LRRK2: variants seen among roughly 807,000 people sequenced by gnomAD.
LRRK2 encodes the protein leucine-rich repeat serine/threonine-protein kinase 2.
In LRRK2, 203 loss-of-function variants were observed where a neutral mutation model predicts 302.6. The ratio of observed to expected loss-of-function variants is 0.67; its 90% CI spans 0.60 to 0.75. LRRK2 has a LOEUF of 0.75. LRRK2 is among the 30% of genes least tolerant of loss of function. The probability of loss-of-function intolerance (pLI) is 0.00; values close to 1 mark genes in which losing one functional copy is unlikely to be tolerated. For missense variants in LRRK2, 2,830 were observed against 2,951.0 expected (o/e 0.96, Z 0.95); for synonymous variants, 1,066 against 1,031.9 (o/e 1.03, Z -0.63).
At chr12:40,288,299 A>G (rs1272509718) in intron 20 of LRRK2, among the ~76,000 whole-genome samples, 1 of 151,866 alleles carries the variant, frequency 6.6e-6, no homozygotes, top group Non-Finnish European at 1.5e-5. Flanking sequence ...CTTTAAGTAT[A>G]TATTTTCATG....
chr12:40,282,121 TCCCC>T (rs1943734629), intron 18 of LRRK2, among the ~76,000 whole-genome samples: 1 of 62,978 alleles, frequency 1.6e-5, no homozygotes, highest in African/African-American at 6.3e-5. Flanking sequence ...TTCCCTCCCC[TCCCC>T]TCCCCTCCCC....
chr12:40,352,528 A>T (rs531781652), intron 44 of LRRK2, among the ~76,000 whole-genome samples: 387 of 136,752 alleles, frequency 2.8e-3, no homozygotes, highest in Non-Finnish European at 4.5e-3. Flanking sequence ...TGGCAGGGTC[A>T]TAGGACAATA....
chr12:40,296,631 CAAA>C (rs879609387), intron 23 of LRRK2, among the ~76,000 whole-genome samples: 1 of 133,268 alleles, frequency 7.5e-6, no homozygotes, highest in Non-Finnish European at 1.6e-5. Context: ...GACCCTGTCT[CAAA>C]AAAAAAAAAG....
In LRRK2 at chr12:40,308,499, CT is replaced by C; in HGVS notation, c.3994del (p.Tyr1332IlefsTer4). 1 of 1,613,808 alleles carries C rather than the reference CT, an allele frequency of 6.2e-7. No homozygotes were observed. Among genetic ancestry groups the C allele is most frequent in the Non-Finnish European group, 8.5e-7 (1 of 1,179,906 alleles). ...CAACAGCGATTAAAAAAGGCTGTGCCTTATAACCGAATGAAACTTATGATTG... is the reference window on the plus strand; with the variant it reads ...CAACAGCGATTAAAAAAGGCTGTGCCTATAACCGAATGAAACTTATGATTG... ...FLQQRLKKAV[P>X]YNRMKLMIVG... On this transcript the variant is annotated frameshift_variant, in exon 29 of 51. Coordinates refer to ENST00000298910, the MANE Select transcript of LRRK2 (RefSeq NM_198578.4). LOFTEE classifies it high-confidence loss of function.
At chr12:40,282,981 A>T (rs890614737) in intron 18 of LRRK2, among the ~76,000 whole-genome samples, 1 of 152,164 alleles carries the variant, frequency 6.6e-6, no homozygotes, top group Non-Finnish European at 1.5e-5. Flanking sequence ...GACAAATTAT[A>T]TATCTTTTCT....
chr12:40,323,474 T>C (rs1012113343), intron 38 of LRRK2, among the ~76,000 whole-genome samples, 168 bp downstream of exon 38: 5 of 152,120 alleles, frequency 3.3e-5, no homozygotes, highest in Admixed American at 2.0e-4. Flanking sequence ...ATATTACAGA[T>C]CTGGAATTTG....
intron 4 of LRRK2, among the ~76,000 whole-genome samples, chr12:40,236,746 G>C (rs1941483087): frequency 6.6e-6 from 1 of 152,008 alleles, no homozygotes; most frequent in Non-Finnish European, 1.5e-5. Context: ...AGAGTATGAG[G>C]GAAAAACAAG....
chr12:40,235,793 G>GTT (rs36024911), intron 4 of LRRK2, 79 bp downstream of exon 4: 62,989 of 446,234 alleles, frequency 0.14, 1,729 homozygotes, highest in East Asian at 0.22. Context: ...GTGTGTGTGT[G>GTT]TTTTTTTTTT....
At chr12:40,229,757 A>G (rs1941080463) in intron 2 of LRRK2, among the ~76,000 whole-genome samples, 1 of 152,196 alleles carries the variant, frequency 6.6e-6, no homozygotes. Flanking sequence ...GAATAGATTA[A>G]TGGATCAATT....
chr12:40,260,215 G>C (rs1031971840), intron 13 of LRRK2, among the ~76,000 whole-genome samples: 9 of 151,882 alleles, frequency 5.9e-5, no homozygotes, highest in African/African-American at 1.2e-4. Context: ...TTTAAAAGAT[G>C]AATTGGAAAA....
At chr12:40,337,842 G>A (rs565011993) in intron 40 of LRRK2, among the ~76,000 whole-genome samples, 94 of 152,218 alleles carry the variant, frequency 6.2e-4, no homozygotes, top group Non-Finnish European at 9.0e-4. Flanking sequence ...CATTCTAGCC[G>A]TGATGACAGG....
At chr12:40,359,596 A>G (rs1168125564) in intron 47 of LRRK2, 152 bp downstream of exon 47, 7 of 782,314 alleles carry the variant, frequency 8.9e-6, no homozygotes, top group Non-Finnish European at 1.4e-5. Context: ...ATTATAAAAA[A>G]TTTTGAAAAT....
In LRRK2 at chr12:40,278,983, G is replaced by T. The variant is rs191973459; in HGVS notation, c.2241+722G>T. On this transcript the variant is annotated intron_variant, in intron 18 of 50. Transcript: ENST00000298910. The stretch of plus-strand genomic sequence containing the variant: ...ATAACAGTGTACAGTGTTCATCTTT[G>T]TATCATTCAGAATATCGAGCTCATT... Among the ~76,000 whole-genome samples, 321 of 151,860 alleles carry T rather than the reference G, an allele frequency of 2.1e-3. 1 individual carries two copies. The highest frequency in any genetic ancestry group is 5.4e-3 in the Admixed American group (82 of 15,244).
At chr12:40,291,249 A>G (rs1291394480) in intron 20 of LRRK2, among the ~76,000 whole-genome samples, 1 of 151,542 alleles carries the variant, frequency 6.6e-6, no homozygotes, top group South Asian at 2.1e-4. Flanking sequence ...TGGACACAGG[A>G]AGGGGAACAT....
At chr12:40,359,771 CTT>C (rs1946650572) in intron 47 of LRRK2, among the ~76,000 whole-genome samples, 1 of 152,032 alleles carries the variant, frequency 6.6e-6, no homozygotes, top group Non-Finnish European at 1.5e-5. Flanking sequence ...AGACAATCAA[CTT>C]TGTATTTCAC....
At position 40,309,243 on chromosome 12, in the gene LRRK2, TC is replaced by T. The variant is rs1339361134; in HGVS notation, c.4317+11del. The T allele has an allele frequency of 6.2e-7, 1 of 1,611,528 alleles. No homozygotes were observed. Among genetic ancestry groups the T allele is most frequent in the South Asian group, 1.1e-5 (1 of 90,636 alleles). On this transcript the variant is annotated intron_variant, in intron 30 of 50. Transcript: ENST00000298910. ...GCTCTTCAATATAAAGGTGATTTGT[TC>T]TGATCATTTGAAAATAGAAAATAAT...
At chr12:40,344,903 A>G (rs1393579829) in intron 41 of LRRK2, among the ~76,000 whole-genome samples, 1 of 152,040 alleles carries the variant, frequency 6.6e-6, no homozygotes, top group Non-Finnish European at 1.5e-5. Flanking sequence ...TATGTATACA[A>G]TATATTTACA....
chr12:40,359,779 T>G (rs1026826583), intron 47 of LRRK2, among the ~76,000 whole-genome samples: 1 of 152,134 alleles, frequency 6.6e-6, no homozygotes, highest in African/African-American at 2.4e-5. Flanking sequence ...AACTTTGTAT[T>G]TCACCAAATT....
chr12:40,366,941 T>C (rs1329888227), intron 49 of LRRK2, 65 bp from the exon 50 acceptor site: 3 of 1,254,680 alleles, frequency 2.4e-6, no homozygotes, highest in Non-Finnish European at 3.5e-6. Context: ...ACAACTTTAC[T>C]TTTTTTTCAG....
Sources: allele counts gnomAD v4.1 joint callset (sites outside exome capture counted in the v4.1 genomes callset), GRCh38; gene constraint gnomAD v4.1.1; transcripts MANE v1.5; gene names NCBI Gene and HGNC (gene_info 2026-07-23, HGNC 2026-07-21).